The following SKAP1 variants were observed in gnomAD, a reference collection of about 807,000 sequenced individuals.
SKAP1 encodes the protein src kinase-associated phosphoprotein 1.
A neutral mutation model predicts 58.5 loss-of-function variants in SKAP1; 44 were observed. That is an observed-to-expected ratio of 0.75 (90% CI 0.59 to 0.97). The LOEUF (loss-of-function observed/expected upper bound fraction) is 0.97, where lower values mean the gene tolerates loss of function less well. SKAP1 is among the 50% of genes least tolerant of loss of function. The pLI, the probability that SKAP1 is intolerant of heterozygous loss-of-function variation, is 0.00. For synonymous variants in SKAP1, 127 were observed against 149.7 expected, an observed-to-expected ratio of 0.85 and a Z score of 1.11; for missense variants, 390 against 435.2, an observed-to-expected ratio of 0.90 and a Z score of 0.92.
In SKAP1 at chr17:48,147,523, C is replaced by T. The variant is rs181833276; in HGVS notation, c.979-10186G>A. Among the ~76,000 whole-genome samples the T allele has an allele frequency of 4.2e-3, 635 of 152,186 alleles. 3 individuals are homozygous for T. Among genetic ancestry groups the T allele is most frequent in the Non-Finnish European group, 7.0e-3 (474 of 68,010 alleles). On this transcript the variant is annotated intron_variant, in intron 11 of 12. Transcript: ENST00000336915. ...TCCAAATCAGCATCCTTCTAACTGC[C>T]GAGAAAAACAAGGCTGGGAACAAGA...
In SKAP1 at chr17:48,164,321, C is replaced by A. The variant is rs183885718; in HGVS notation, c.878-1752G>T. On this transcript the variant is annotated intron_variant, in intron 10 of 12. Transcript: ENST00000336915. ...ATGGATTTATATATGGTAGAGAAAACCATTTTTGTAAAAATAGATTCTAAA... is the reference window on the plus strand; with the variant it reads ...ATGGATTTATATATGGTAGAGAAAAACATTTTTGTAAAAATAGATTCTAAA... 8.1e-3 allele frequency among the ~76,000 whole-genome samples: 1,229 copies of A among 152,198 alleles called. 13 individuals carry two copies. Among genetic ancestry groups the A allele is most frequent in the African/African-American group, 0.025 (1,029 of 41,522 alleles).
intron 4 of SKAP1, among the ~76,000 whole-genome samples, chr17:48,330,880 T>C (rs1039560974): frequency 2.0e-5 from 3 of 151,986 alleles, no homozygotes; most frequent in Non-Finnish European, 4.4e-5. Flanking sequence ...ATGAGTTCAA[T>C]AACCAGGATT....
chr17:48,173,106 A>G (rs984884904), intron 9 of SKAP1, among the ~76,000 whole-genome samples: 6 of 152,098 alleles, frequency 3.9e-5, no homozygotes, highest in African/African-American at 1.4e-4. Flanking sequence ...CCTGAGCCCA[A>G]GAGTTTGAGG....
intron 4 of SKAP1, among the ~76,000 whole-genome samples, chr17:48,196,275 T>C (rs897901756): frequency 1.2e-3 from 187 of 152,340 alleles, no homozygotes; most frequent in African/African-American, 4.3e-3. Context: ...AGAGACCCTG[T>C]TTTTTGGAAG....
At chr17:48,405,455 TTTCTTTCTTTCC>T (rs2067567777) in intron 1 of SKAP1, among the ~76,000 whole-genome samples, 1 of 90,308 alleles carries the variant, frequency 1.1e-5, no homozygotes. Flanking sequence ...CTTTCTTTTC[TTTCTTTCTTTCC>T]TTCCTTCCTT....
intron 3 of SKAP1, among the ~76,000 whole-genome samples, chr17:48,352,832 C>A (rs886141724): frequency 1.3e-5 from 2 of 152,198 alleles, no homozygotes; most frequent in African/African-American, 4.8e-5. Context: ...TTCACCCCAA[C>A]TTGTCTGATT....
intron 6 of SKAP1, chr17:48,186,053 C>G (rs1316393783): frequency 6.6e-6 from 1 of 152,064 alleles, no homozygotes; most frequent in Non-Finnish European, 1.5e-5. Flanking sequence ...ACAGATGTGA[C>G]ACACCTGGTT....
intron 4 of SKAP1, among the ~76,000 whole-genome samples, chr17:48,235,446 T>A (rs902383947): frequency 3.9e-5 from 6 of 152,004 alleles, no homozygotes; most frequent in African/African-American, 1.2e-4. Flanking sequence ...TTTTTTTTTT[T>A]AGTGAGTTCA....
chr17:48,414,771 G>A (rs1201122323), intron 1 of SKAP1, among the ~76,000 whole-genome samples: 1 of 152,130 alleles, frequency 6.6e-6, no homozygotes, highest in East Asian at 1.9e-4. Context: ...GCGAAAAACT[G>A]CTGTAGAATT....
Position 48,144,897 on chromosome 17 carries a change from G to A in SKAP1, c.979-7560C>T, listed in dbSNP as rs150043578. On this transcript the variant is annotated intron_variant, in intron 11 of 12. Coordinates refer to ENST00000336915, the MANE Select transcript of SKAP1 (RefSeq NM_003726.4). ...GAAGTGTTTCTGTCTTCAAGGTAGG[G>A]ATGCACATCTACAAGTGACTGTGTT... Among the ~76,000 whole-genome samples the A allele has an allele frequency of 4.6e-5, 7 of 152,290 alleles. No homozygotes were observed. The East Asian group carries it at 1.3e-3, about 29-fold the overall frequency.
chr17:48,360,853 CT>C (rs898995385), intron 3 of SKAP1, among the ~76,000 whole-genome samples: 5 of 151,222 alleles, frequency 3.3e-5, no homozygotes, highest in African/African-American at 1.2e-4. Flanking sequence ...AAACTACTGG[CT>C]TTTTTTTTCC....
At chr17:48,226,874 TTCTTAAACA>T (rs2065075115) in intron 4 of SKAP1, among the ~76,000 whole-genome samples, 1 of 152,184 alleles carries the variant, frequency 6.6e-6, no homozygotes, top group Non-Finnish European at 1.5e-5. Context: ...GTTTGAGACA[TTCTTAAACA>T]TCTGTGGGGT....
chr17:48,164,750 A>C (rs999078821), intron 10 of SKAP1, among the ~76,000 whole-genome samples: 2 of 152,224 alleles, frequency 1.3e-5, no homozygotes, highest in African/African-American at 4.8e-5. Flanking sequence ...GCTCCAAAAA[A>C]ACAGGCAGAA....
chr17:48,216,212 A>C lies in SKAP1; in HGVS notation c.281-26712T>G, dbSNP rs573450503. On this transcript the variant is annotated intron_variant, in intron 4 of 12. Coordinates refer to ENST00000336915, the MANE Select transcript of SKAP1 (RefSeq NM_003726.4). ...CGGTGACTTTTGACATTTCTTAAAC[A>C]GGAGTCAGTTATATCTTTCCTACTC... 6.6e-5 allele frequency among the ~76,000 whole-genome samples: 10 copies of C among 152,310 alleles called. No individual in the cohort carries two copies. The South Asian group carries it at 1.9e-3, about 28-fold the overall frequency.
chr17:48,224,032 G>GA lies in SKAP1; in HGVS notation c.281-34533dup, dbSNP rs1343095167. 1.7e-3 allele frequency among the ~76,000 whole-genome samples: 178 copies of GA among 102,146 alleles called. 1 individual carries two copies. The highest frequency in any genetic ancestry group is 3.2e-3 in the African/African-American group (78 of 24,702). 67.0% of individuals were successfully genotyped at this position (102,146 alleles called of 152,430 possible). Reference sequence around the variant, plus strand: ...AGACAGAGAGAGAGAGAGAGAGAGAGAGAAGAAGGAGGAGGAGGAGGAGGA... The same window carrying GA: ...AGACAGAGAGAGAGAGAGAGAGAGAGAAGAAGAAGGAGGAGGAGGAGGAGGA... On this transcript the variant is annotated intron_variant, in intron 4 of 12. Transcript: ENST00000336915.
chr17:48,424,377 C>T (rs1267876790), intron 1 of SKAP1, among the ~76,000 whole-genome samples: 2 of 151,788 alleles, frequency 1.3e-5, no homozygotes. Flanking sequence ...AGGCGCCCGC[C>T]ACCACGCCCA....
intron 1 of SKAP1, among the ~76,000 whole-genome samples, chr17:48,415,139 G>A (rs1280418494): frequency 6.6e-6 from 1 of 152,092 alleles, no homozygotes; most frequent in Non-Finnish European, 1.5e-5. Context: ...AAATGCTGTT[G>A]AAAACAACTC....
At chr17:48,271,366 T>TC (rs1444537595) in intron 4 of SKAP1, among the ~76,000 whole-genome samples, 1 of 142,550 alleles carries the variant, frequency 7.0e-6, no homozygotes, top group Non-Finnish European at 1.5e-5. Flanking sequence ...TTGTTTCTTT[T>TC]TTTTTTTTTT....
chr17:48,330,915 C>T (rs1266380481), intron 4 of SKAP1, among the ~76,000 whole-genome samples: 1 of 152,110 alleles, frequency 6.6e-6, no homozygotes, highest in Non-Finnish European at 1.5e-5. Flanking sequence ...ATTCTGTTAT[C>T]GTTGAGCATG....
Sources: gnomAD v4.1 joint callset for allele counts (sites outside exome capture counted in the v4.1 genomes callset) on GRCh38, gnomAD v4.1.1 for gene constraint, MANE v1.5 for transcripts, NCBI Gene and HGNC (gene_info 2026-07-23, HGNC 2026-07-21) for gene names.